Variants in RGS6 observed in about 807,000 individuals in gnomAD.
RGS6 encodes regulator of G protein signaling 6.
RGS6 carries 30 observed loss-of-function variants against 78.5 expected under a neutral mutation model. The observed-to-expected ratio is 0.38, with a 90% confidence interval of 0.29 to 0.52. The LOEUF (loss-of-function observed/expected upper bound fraction) is 0.52. Among genes scored for constraint, RGS6 ranks in the 20% least tolerant of loss-of-function variants. The probability of loss-of-function intolerance (pLI) is 0.85; values close to 1 mark genes in which losing one functional copy is unlikely to be tolerated. For missense variants in RGS6, 495 were observed against 609.7 expected, an observed-to-expected ratio of 0.81 and a Z score of 1.98; for synonymous variants, 206 against 206.0, an observed-to-expected ratio of 1.00 and a Z score of 0.00.
At position 72,352,150 on chromosome 14, in the gene RGS6, G is replaced by A. The variant is rs369513482; in HGVS notation, c.140G>A (p.Arg47Lys). The A allele has an allele frequency of 1.2e-6, 2 of 1,613,414 alleles. No homozygotes were observed. The highest frequency in any genetic ancestry group is 1.3e-5 in the African/African-American group (1 of 74,918). Reference sequence around the variant, plus strand: ...GACAAGACAGGGGGTGTGCCCATCAGAACAGTCAAGAGCTTTCTCTCCAAA... The same window carrying A: ...GACAAGACAGGGGGTGTGCCCATCAAAACAGTCAAGAGCTTTCTCTCCAAA... The part of the protein sequence containing the change: ...QDDKTGGVPI[R>K]TVKSFLSKIP... Residue 47 changes from arginine to lysine, a missense_variant, in exon 3 of 18, where the codon AGA becomes AAA. By Grantham distance (26) the Arg-to-Lys change is conservative. Transcript: ENST00000553525.
At chr14:72,100,135 A>G (rs1236124931) in intron 2 of RGS6, among the ~76,000 whole-genome samples, 1 of 152,170 alleles carries the variant, frequency 6.6e-6, no homozygotes, top group Non-Finnish European at 1.5e-5. Flanking sequence ...GAGACTTAGA[A>G]GATAGTAATG....
At chr14:72,340,868 A>T (rs1367135229) in intron 2 of RGS6, among the ~76,000 whole-genome samples, 3 of 152,078 alleles carry the variant, frequency 2.0e-5, no homozygotes, top group Non-Finnish European at 4.4e-5. Context: ...CAGAGATGAG[A>T]ACTGAATCTT....
At chr14:71,940,460 T>C (rs2090344431) in intron 1 of RGS6, among the ~76,000 whole-genome samples, 2 of 152,210 alleles carry the variant, frequency 1.3e-5, no homozygotes, top group Admixed American at 1.3e-4. Flanking sequence ...CCTAGAAGTT[T>C]TCTGTTTGTG....
intron 2 of RGS6, among the ~76,000 whole-genome samples, chr14:72,300,284 A>G (rs1219427891): frequency 2.0e-5 from 3 of 152,222 alleles, no homozygotes; most frequent in South Asian, 4.1e-4. Flanking sequence ...ACTATACCCA[A>G]TTTATAGATA....
At chr14:72,113,679 T>C (rs1056809393) in intron 2 of RGS6, among the ~76,000 whole-genome samples, 1 of 152,160 alleles carries the variant, frequency 6.6e-6, no homozygotes, top group Admixed American at 6.5e-5. Context: ...GTGGTGGCTG[T>C]GGGGCAGCTG....
intron 2 of RGS6, among the ~76,000 whole-genome samples, chr14:72,173,946 A>G (rs1028584483): frequency 1.3e-5 from 2 of 152,200 alleles, no homozygotes; most frequent in African/African-American, 2.4e-5. Context: ...TTAGATGTGT[A>G]GGGACACAGC....
intron 15 of RGS6, among the ~76,000 whole-genome samples, chr14:72,533,195 GA>G (rs1555458875): frequency 6.6e-6 from 1 of 152,234 alleles, no homozygotes; most frequent in Non-Finnish European, 1.5e-5. Flanking sequence ...CTTCAAGAAT[GA>G]TGCTAAATAT....
intron 2 of RGS6, among the ~76,000 whole-genome samples, chr14:72,186,747 A>G (rs2097253757): frequency 6.6e-6 from 1 of 152,054 alleles, no homozygotes; most frequent in South Asian, 2.1e-4. Context: ...AGGCTTGTCC[A>G]AGTGCCTAGC....
At chr14:71,990,604 C>A (rs1410859880) in intron 2 of RGS6, 4 of 455,886 alleles carry the variant, frequency 8.8e-6, no homozygotes, top group Non-Finnish European at 1.8e-5. Flanking sequence ...GGTTTTACCC[C>A]AATCTCTGCA....
chr14:72,117,643 G>A (rs564333664), intron 2 of RGS6, among the ~76,000 whole-genome samples: 2 of 152,280 alleles, frequency 1.3e-5, no homozygotes, highest in African/African-American at 4.8e-5. Flanking sequence ...CATGGGGTAG[G>A]GAAGGACAGC....
rs2097417581 is a variant in RGS6 at position 72,547,092 on chromosome 14, C to G, written c.1422+6998C>G. 5 of 1,327,108 alleles carry G rather than the reference C, an allele frequency of 3.8e-6. No homozygotes were observed. In the South Asian group the frequency reaches 5.1e-5, roughly 14 times the overall value. 82.2% of individuals were successfully genotyped at this position (1,327,108 alleles called of 1,614,324 possible). On this transcript the variant is annotated intron_variant, in intron 17 of 17. Coordinates refer to ENST00000553525, the MANE Select transcript of RGS6 (RefSeq NM_001204424.2). The stretch of plus-strand genomic sequence containing the variant: ...GCAGAGAGTGAAGGGGAGTGCAGGG[C>G]CCCCCGCAGGATAAACAGCGGGAAG...
At chr14:72,198,587 G>T (rs901752935) in intron 2 of RGS6, among the ~76,000 whole-genome samples, 7 of 152,184 alleles carry the variant, frequency 4.6e-5, no homozygotes, top group African/African-American at 7.2e-5. Flanking sequence ...AATGCTTTGG[G>T]TTAGATCCCT....
At chr14:72,322,722 A>G (rs2072436221) in intron 2 of RGS6, among the ~76,000 whole-genome samples, 1 of 152,160 alleles carries the variant, frequency 6.6e-6, no homozygotes, top group Admixed American at 6.5e-5. Flanking sequence ...GTCTTAAAAA[A>G]GTAAGACTAT....
intron 3 of RGS6, among the ~76,000 whole-genome samples, chr14:72,395,555 T>C (rs1271893807): frequency 6.6e-6 from 1 of 152,208 alleles, no homozygotes; most frequent in Admixed American, 6.5e-5. Flanking sequence ...TATTATACTT[T>C]AAGTTTTAGG....
the RGS6 span, among the ~76,000 whole-genome samples, chr14:71,918,126 A>T: frequency 7.6e-6 from 1 of 131,290 alleles, no homozygotes; most frequent in Non-Finnish European, 1.6e-5. Flanking sequence ...GCTTGCAGTG[A>T]GCCGAGATCG....
the RGS6 span, among the ~76,000 whole-genome samples, chr14:71,922,343 C>G: frequency 6.6e-6 from 1 of 152,300 alleles, no homozygotes; most frequent in African/African-American, 2.4e-5. Context: ...CACCATCATC[C>G]CTCACCATAC....
the RGS6 span, among the ~76,000 whole-genome samples, chr14:71,895,474 A>C: frequency 6.6e-6 from 1 of 152,228 alleles, no homozygotes; most frequent in Non-Finnish European, 1.5e-5. Flanking sequence ...GGCATGAGCC[A>C]CCACAACCAG....
the RGS6 span, among the ~76,000 whole-genome samples, chr14:71,917,663 C>T: frequency 6.6e-6 from 1 of 152,128 alleles, no homozygotes; most frequent in Non-Finnish European, 1.5e-5. Flanking sequence ...CAACACAAGT[C>T]AAACAATAGC....
At chr14:72,085,254 A>G (rs1597317207) in intron 2 of RGS6, among the ~76,000 whole-genome samples, 1 of 152,248 alleles carries the variant, frequency 6.6e-6, no homozygotes, top group African/African-American at 2.4e-5. Context: ...CGGTCAATAA[A>G]TGGCATACTT....
Sources: gnomAD v4.1 joint callset for allele counts (sites outside exome capture counted in the v4.1 genomes callset) on GRCh38, gnomAD v4.1.1 for gene constraint, MANE v1.5 for transcripts, NCBI Gene and HGNC (gene_info 2026-07-23, HGNC 2026-07-21) for gene names.